Variants in EPHA3 observed in about 807,000 individuals in gnomAD.
EPHA3 encodes ephrin type-A receptor 3.
A neutral mutation model predicts 107.1 loss-of-function variants in EPHA3; 42 were observed. That is an observed-to-expected ratio of 0.39 (90% confidence interval 0.31 to 0.51). The LOEUF is 0.51. Ranked by LOEUF, EPHA3 falls within the 20% of genes least tolerant of loss-of-function variation. The probability of loss-of-function intolerance (pLI) is 0.78; values close to 1 mark genes in which losing one functional copy is unlikely to be tolerated. For synonymous variants in EPHA3, 461 were observed against 424.8 expected (o/e 1.09, Z -1.05); for missense variants, 1,183 against 1,211.2 (o/e 0.98, Z 0.35).
At chr3:89,220,762 A>T (rs764578234) in intron 3 of EPHA3, among the ~76,000 whole-genome samples, 1 of 152,210 alleles carries the variant, frequency 6.6e-6, no homozygotes, top group Non-Finnish European at 1.5e-5. Context: ...ATGTGGTTCT[A>T]TTCCAGGACA....
chr3:89,420,765 AGTG>A (rs147260037), intron 11 of EPHA3, among the ~76,000 whole-genome samples: 1,515 of 151,462 alleles, frequency 0.01, 27 homozygotes, highest in African/African-American at 0.035. Flanking sequence ...ATCTGCATCA[AGTG>A]GTGGTTGCCT....
At chr3:89,304,170 A>G (rs1476037167) in intron 3 of EPHA3, among the ~76,000 whole-genome samples, 7 of 151,944 alleles carry the variant, frequency 4.6e-5, no homozygotes, top group African/African-American at 1.7e-4. Context: ...TTTCCCTCCA[A>G]CTTTTATCAC....
At chr3:89,208,834 G>A (rs1053412056) in intron 2 of EPHA3, among the ~76,000 whole-genome samples, 1 of 152,134 alleles carries the variant, frequency 6.6e-6, no homozygotes, top group Non-Finnish European at 1.5e-5. Flanking sequence ...GAAAGTTTTT[G>A]CGTAAGTAAC....
intron 3 of EPHA3, among the ~76,000 whole-genome samples, chr3:89,211,577 A>G (rs1704081469): frequency 6.6e-6 from 1 of 152,026 alleles, no homozygotes; most frequent in Admixed American, 6.6e-5. Flanking sequence ...TTTGCATATA[A>G]ATTGTCCTCT....
intron 5 of EPHA3, among the ~76,000 whole-genome samples, chr3:89,352,546 TTAAA>T (rs1401500373): frequency 6.6e-6 from 1 of 150,946 alleles, no homozygotes; most frequent in African/African-American, 2.4e-5. Context: ...TTAATAAATG[TTAAA>T]TAAACAAGAT....
rs529467295 is a variant in EPHA3 at position 89,118,868 on chromosome 3, T to C, written c.89-8341T>C. On this transcript the variant is annotated intron_variant, in intron 1 of 16. Coordinates refer to ENST00000336596, the MANE Select transcript of EPHA3 (RefSeq NM_005233.6). ...AAATAAATACTTATATAAAAATTGT[T>C]ATAACATAGATATGAAAATTATGAA... 7.9e-5 allele frequency among the ~76,000 whole-genome samples: 12 copies of C among 152,106 alleles called. No homozygotes were observed. The South Asian group carries it at 2.5e-3, about 32-fold the overall frequency.
At chr3:89,349,620 A>C (rs1453813178) in intron 5 of EPHA3, among the ~76,000 whole-genome samples, 1 of 139,766 alleles carries the variant, frequency 7.2e-6, no homozygotes, top group Non-Finnish European at 1.6e-5. Context: ...ATTTACATTT[A>C]AAGTTAATAT....
intron 13 of EPHA3, among the ~76,000 whole-genome samples, chr3:89,435,042 C>T (rs1349624147): frequency 6.6e-6 from 1 of 151,618 alleles, no homozygotes; most frequent in Non-Finnish European, 1.5e-5. Context: ...ATAGTTTACT[C>T]TAAATATGAG....
chr3:89,327,823 A>G (rs1234317965), intron 3 of EPHA3, among the ~76,000 whole-genome samples: 1 of 152,026 alleles, frequency 6.6e-6, no homozygotes, highest in Non-Finnish European at 1.5e-5. Context: ...TGTAAATGCC[A>G]TAAACTGTTT....
At chr3:89,288,954 G>T (rs1706151020) in intron 3 of EPHA3, among the ~76,000 whole-genome samples, 1 of 152,106 alleles carries the variant, frequency 6.6e-6, no homozygotes, top group African/African-American at 2.4e-5. Flanking sequence ...TATCATTTAT[G>T]TATACATTAA....
chr3:89,425,078 A>G (rs1419212440), intron 11 of EPHA3, among the ~76,000 whole-genome samples: 2 of 151,304 alleles, frequency 1.3e-5, no homozygotes, highest in East Asian at 3.9e-4. Flanking sequence ...ACTACAGACA[A>G]ATGGGCTTGG....
At chr3:89,325,248 A>G (rs1707139469) in intron 3 of EPHA3, among the ~76,000 whole-genome samples, 1 of 152,174 alleles carries the variant, frequency 6.6e-6, no homozygotes, top group Non-Finnish European at 1.5e-5. Context: ...TATCATCTAC[A>G]TAATGTATCT....
At chr3:89,423,604 A>G (rs1382266776) in intron 11 of EPHA3, among the ~76,000 whole-genome samples, 1 of 151,418 alleles carries the variant, frequency 6.6e-6, no homozygotes, top group Non-Finnish European at 1.5e-5. Flanking sequence ...GCAAATTGTT[A>G]AAATGAGTTC....
intron 3 of EPHA3, among the ~76,000 whole-genome samples, chr3:89,287,729 CA>C (rs1706122492): frequency 6.6e-6 from 1 of 152,008 alleles, no homozygotes; most frequent in South Asian, 2.1e-4. Flanking sequence ...TCACTGAGGT[CA>C]ACACTCTTAT....
At chr3:89,316,504 T>TG (rs1559644293) in intron 3 of EPHA3, among the ~76,000 whole-genome samples, 3 of 75,128 alleles carry the variant, frequency 4.0e-5, no homozygotes, top group Non-Finnish European at 5.5e-5. Context: ...TGTGTGTGTG[T>TG]AATATATATA....
At chr3:89,347,978 G>A (rs1707713792) in intron 5 of EPHA3, among the ~76,000 whole-genome samples, 1 of 150,914 alleles carries the variant, frequency 6.6e-6, no homozygotes, top group African/African-American at 2.4e-5. Flanking sequence ...CTTGATCATG[G>A]TGGATAAGCT....
chr3:89,341,407 G>C (rs75357086), intron 4 of EPHA3, among the ~76,000 whole-genome samples: 3 of 152,264 alleles, frequency 2.0e-5, no homozygotes, highest in African/African-American at 7.2e-5. Flanking sequence ...CCCTCTTGCT[G>C]TATGTTGGTC....
chr3:89,417,513 G>T (rs933631930), intron 10 of EPHA3, among the ~76,000 whole-genome samples: 7 of 151,422 alleles, frequency 4.6e-5, no homozygotes, highest in African/African-American at 1.7e-4. Context: ...ATAATGTTCG[G>T]ATAACCCTAT....
In EPHA3 at chr3:89,395,824, C is replaced by T. The variant is rs1254691049; in HGVS notation, c.1307-13C>T. 1.2e-6 allele frequency: 2 copies of T among 1,612,828 alleles called. No homozygotes were observed. The highest frequency in any genetic ancestry group is 2.7e-5 in the African/African-American group (2 of 74,928). On this transcript the variant is annotated splice_polypyrimidine_tract_variant and intron_variant, in intron 5 of 16. Transcript: ENST00000336596. ...GCTTCCTTCCACCTTCCCCTCCCAT[C>T]CTCTCTTTACAGCTCCATCACCTGT...
Sources: allele counts gnomAD v4.1 joint callset (sites outside exome capture counted in the v4.1 genomes callset), GRCh38; gene constraint gnomAD v4.1.1; transcripts MANE v1.5; gene names NCBI Gene and HGNC (gene_info 2026-07-23, HGNC 2026-07-21).